LRRC3B: variants seen among roughly 807,000 people sequenced by gnomAD.
LRRC3B encodes the protein leucine-rich repeat-containing protein 3B.
LRRC3B carries 2 observed loss-of-function variants against 12.8 expected under a neutral mutation model. The ratio of observed to expected loss-of-function variants is 0.16; its 90% CI spans 0.06 to 0.49. LRRC3B has a LOEUF of 0.49. Ranked by LOEUF, LRRC3B falls within the 20% of genes least tolerant of loss-of-function variation. LRRC3B has a pLI of 0.96. For missense variants in LRRC3B, 189 were observed against 319.4 expected, an observed-to-expected ratio of 0.59 and a Z score of 3.11; for synonymous variants, 132 against 122.0, an observed-to-expected ratio of 1.08 and a Z score of -0.54.
chr3:26,685,519 CTCTCTA>C (rs1169079481), intron 1 of LRRC3B, among the ~76,000 whole-genome samples: 465 of 47,600 alleles, frequency 9.8e-3, no homozygotes, highest in East Asian at 0.017. Flanking sequence ...CTCTCTCTCT[CTCTCTA>C]TATATATATA....
At chr3:26,652,927 G>T (rs1348117793) in intron 1 of LRRC3B, among the ~76,000 whole-genome samples, 1 of 151,742 alleles carries the variant, frequency 6.6e-6, no homozygotes, top group Non-Finnish European at 1.5e-5. Context: ...TTTTATTATG[G>T]CATAATCTCA....
rs147921334 is a variant in LRRC3B, at chr3:26,656,243, C to T, written c.-161+33006C>T. ...CACGCAGGATGGTTGCATATTGCAGCGAAGATCGTCTAATCACTATAACAA... is the reference window on the plus strand; with the variant it reads ...CACGCAGGATGGTTGCATATTGCAGTGAAGATCGTCTAATCACTATAACAA... On this transcript the variant is annotated intron_variant, in intron 1 of 1. Coordinates refer to ENST00000396641, the Ensembl canonical transcript of LRRC3B. 8.0e-3 allele frequency among the ~76,000 whole-genome samples: 1,220 copies of T among 152,222 alleles called. 7 individuals are homozygous for T. The highest frequency in any genetic ancestry group is 0.051 in the Middle Eastern group (15 of 294).
At chr3:26,680,773 T>A (rs1699954396) in intron 1 of LRRC3B, among the ~76,000 whole-genome samples, 1 of 152,268 alleles carries the variant, frequency 6.6e-6, no homozygotes, top group Non-Finnish European at 1.5e-5. Flanking sequence ...CAACTTTGTT[T>A]CATTGTGACC....
At chr3:26,644,296 A>G (rs1245896390) in intron 1 of LRRC3B, among the ~76,000 whole-genome samples, 1 of 152,218 alleles carries the variant, frequency 6.6e-6, no homozygotes, top group Non-Finnish European at 1.5e-5. Flanking sequence ...CAAATTCAGA[A>G]GAGGAGATTG....
At chr3:26,623,727 T>C (rs1047741883) in intron 1 of LRRC3B, 25 of 152,306 alleles carry the variant, frequency 1.6e-4, no homozygotes, top group African/African-American at 5.8e-4. Flanking sequence ...ACATGGAGGA[T>C]GGCTGCGGCC....
intron 1 of LRRC3B, among the ~76,000 whole-genome samples, chr3:26,683,745 C>A (rs1185539988): frequency 6.6e-6 from 1 of 152,238 alleles, no homozygotes; most frequent in African/African-American, 2.4e-5. Flanking sequence ...CCTAAGACAG[C>A]AGCCTTGCCA....
intron 1 of LRRC3B, chr3:26,625,070 T>A (rs1262377975): frequency 6.6e-6 from 1 of 152,320 alleles, no homozygotes; most frequent in Non-Finnish European, 1.5e-5. Flanking sequence ...AGTAGCCCTA[T>A]AGGGAAACAT....
At chr3:26,640,308 C>T (rs1698996838) in intron 1 of LRRC3B, among the ~76,000 whole-genome samples, 1 of 152,016 alleles carries the variant, frequency 6.6e-6, no homozygotes, top group African/African-American at 2.4e-5. Context: ...ATTCTAGGCC[C>T]TGCCCCAAGT....
intron 1 of LRRC3B, among the ~76,000 whole-genome samples, chr3:26,689,357 G>A (rs1430997731): frequency 6.6e-6 from 1 of 152,114 alleles, no homozygotes; most frequent in Non-Finnish European, 1.5e-5. Context: ...TTCAGTAACA[G>A]TGCATCTGGG....
intron 1 of LRRC3B, among the ~76,000 whole-genome samples, chr3:26,663,608 G>A (rs776176875): frequency 6.6e-6 from 1 of 152,104 alleles, no homozygotes; most frequent in African/African-American, 2.4e-5. Context: ...CATTGACTGT[G>A]TTGATTTGGA....
chr3:26,696,951 G>A (rs572865422), intron 1 of LRRC3B, among the ~76,000 whole-genome samples: 1 of 152,096 alleles, frequency 6.6e-6, no homozygotes, highest in Non-Finnish European at 1.5e-5. Context: ...ATAACTAATT[G>A]TTTTGACTGT....
At chr3:26,687,504 C>T (rs1380214351) in intron 1 of LRRC3B, among the ~76,000 whole-genome samples, 3 of 152,154 alleles carry the variant, frequency 2.0e-5, no homozygotes, top group Non-Finnish European at 4.4e-5. Context: ...TGCCGCTGAG[C>T]ATATAATTGC....
chr3:26,704,624 T>G (rs2125462062), intron 1 of LRRC3B, among the ~76,000 whole-genome samples: 2 of 152,216 alleles, frequency 1.3e-5, no homozygotes, highest in South Asian at 4.1e-4. Context: ...GAACTCAAAC[T>G]TCTGGGCTCA....
intron 1 of LRRC3B, among the ~76,000 whole-genome samples, chr3:26,708,366 A>G (rs1342921742): frequency 6.6e-6 from 1 of 152,208 alleles, no homozygotes; most frequent in Non-Finnish European, 1.5e-5. Flanking sequence ...AAATCACAAT[A>G]AGCAATACTT....
chr3:26,701,444 G>T (rs1470390745), intron 1 of LRRC3B: 1 of 152,204 alleles, frequency 6.6e-6, no homozygotes, highest in Non-Finnish European at 1.5e-5. Context: ...CCACTTGCTC[G>T]AAATCTAAGC....
In LRRC3B at chr3:26,667,094, A is replaced by G. The variant is rs1026837102; in HGVS notation, c.-160-42419A>G. 5.5e-5 allele frequency among the ~76,000 whole-genome samples: 8 copies of G among 144,794 alleles called. No individual in the cohort carries two copies. In the East Asian group the frequency reaches 1.7e-3, roughly 30 times the overall value. 95.0% of individuals were successfully genotyped at this position (144,794 alleles called of 152,430 possible). ...TCCCTCTGTGATTTTTTTTTAAACC[A>G]TTATTAGTAAAGTCTCACTTTCAAG... On this transcript the variant is annotated intron_variant, in intron 1 of 1. Coordinates refer to ENST00000396641, the Ensembl canonical transcript of LRRC3B.
At chr3:26,629,932 G>A (rs1464503781) in intron 1 of LRRC3B, among the ~76,000 whole-genome samples, 1 of 145,900 alleles carries the variant, frequency 6.9e-6, no homozygotes, top group Non-Finnish European at 1.5e-5. Context: ...AGGTGGGAAA[G>A]GTGGGGGCAG....
At chr3:26,629,506 C>T (rs1698707055) in intron 1 of LRRC3B, among the ~76,000 whole-genome samples, 1 of 152,194 alleles carries the variant, frequency 6.6e-6, no homozygotes, top group African/African-American at 2.4e-5. Context: ...CTACAGAGGG[C>T]TCCCCCTGTT....
At chr3:26,671,128 G>C in intron 1 of LRRC3B, among the ~76,000 whole-genome samples, 1 of 135,342 alleles carries the variant, frequency 7.4e-6, no homozygotes, top group Non-Finnish European at 1.5e-5. Context: ...CCATTCTCCT[G>C]CCTCAGCCTC....
Sources: gnomAD v4.1 joint callset for allele counts (sites outside exome capture counted in the v4.1 genomes callset) on GRCh38, gnomAD v4.1.1 for gene constraint, MANE v1.5 for transcripts, NCBI Gene and HGNC (gene_info 2026-07-23, HGNC 2026-07-21) for gene names.